PCBP3: variants seen among roughly 807,000 people sequenced by gnomAD.
PCBP3 encodes poly(rC)-binding protein 3.
A neutral mutation model predicts 52.7 loss-of-function variants in PCBP3; 25 were observed. That is an observed-to-expected ratio of 0.47 (90% confidence interval 0.35 to 0.66). The LOEUF (loss-of-function observed/expected upper bound fraction) is 0.66. Among genes scored for constraint, PCBP3 ranks in the 30% least tolerant of loss-of-function variants. PCBP3 has a pLI of 0.01. For synonymous variants in PCBP3, 162 were observed against 183.0 expected (o/e 0.89, Z 0.93); for missense variants, 391 against 490.3 (o/e 0.80, Z 1.91).
intron 4 of PCBP3, among the ~76,000 whole-genome samples, chr21:45,770,385 T>C (rs1398665810): frequency 6.6e-6 from 1 of 152,212 alleles, no homozygotes; most frequent in Non-Finnish European, 1.5e-5. Flanking sequence ...TTCTTTTCCT[T>C]CTTGTCTCTG....
At chr21:45,935,664 G>T (rs929472866) in intron 16 of PCBP3, among the ~76,000 whole-genome samples, 1 of 152,184 alleles carries the variant, frequency 6.6e-6, no homozygotes, top group Non-Finnish European at 1.5e-5. Context: ...CTCTAGAGTG[G>T]ACCCACCTGC....
chr21:45,734,533 T>G (rs1160788314), intron 2 of PCBP3, among the ~76,000 whole-genome samples: 1 of 152,200 alleles, frequency 6.6e-6, no homozygotes, highest in Non-Finnish European at 1.5e-5. Context: ...CTTCCAGAGA[T>G]GTCAGTTGCA....
At chr21:45,859,926 A>G (rs918258153) in intron 5 of PCBP3, 1 of 152,264 alleles carries the variant, frequency 6.6e-6, no homozygotes, top group Non-Finnish European at 1.5e-5. Context: ...GGGCCGCTCC[A>G]CTGTAAAACC....
intron 1 of PCBP3, among the ~76,000 whole-genome samples, chr21:45,660,836 C>T (rs1275706575): frequency 3.9e-5 from 6 of 152,086 alleles, no homozygotes; most frequent in East Asian, 1.9e-4. Flanking sequence ...GTCAGGAGTT[C>T]GAGACCAGCC....
intron 4 of PCBP3, among the ~76,000 whole-genome samples, chr21:45,778,597 C>A (rs2090419752): frequency 1.3e-5 from 2 of 152,142 alleles, no homozygotes; most frequent in African/African-American, 2.4e-5. Flanking sequence ...ACAGGTGGTA[C>A]TTGCAGGTAG....
At chr21:45,698,890 G>A (rs2082944856) in intron 2 of PCBP3, among the ~76,000 whole-genome samples, 1 of 152,166 alleles carries the variant, frequency 6.6e-6, no homozygotes, top group South Asian at 2.1e-4. Context: ...TGTGTTCTTA[G>A]CCAGTCTTGC....
At chr21:45,891,750 C>T (rs934387729) in intron 5 of PCBP3, among the ~76,000 whole-genome samples, 7 of 152,230 alleles carry the variant, frequency 4.6e-5, no homozygotes, top group East Asian at 1.9e-4. Flanking sequence ...ACATTACACA[C>T]GCAAGGTTAA....
intron 1 of PCBP3, among the ~76,000 whole-genome samples, chr21:45,657,807 T>C (rs2080115729): frequency 6.6e-6 from 1 of 152,242 alleles, no homozygotes; most frequent in South Asian, 2.1e-4. Context: ...AATAGTTTTT[T>C]AGTGGATTCC....
chr21:45,741,576 G>A lies in PCBP3; in HGVS notation c.-162+6147G>A, dbSNP rs1313733416. Among the ~76,000 whole-genome samples the A allele has an allele frequency of 6.6e-6, 1 of 152,154 alleles. No individual in the cohort carries two copies. Among genetic ancestry groups the A allele is most frequent in the Non-Finnish European group, 1.5e-5 (1 of 68,030 alleles). ...TAAGAGCTCAGGGAAGGATTGTGAT[G>A]TAGGGGGCAAGGGAGGGGTAGGGCC... On this transcript the variant is annotated intron_variant, in intron 3 of 17. Coordinates refer to ENST00000681687, the MANE Select transcript of PCBP3 (RefSeq NM_001384156.1). The surrounding 1 kb of genome is among the most constrained non-coding windows in gnomAD (Gnocchi z 4.5).
intron 2 of PCBP3, among the ~76,000 whole-genome samples, chr21:45,691,830 A>G (rs973219246): frequency 2.6e-5 from 4 of 152,174 alleles, no homozygotes; most frequent in African/African-American, 4.8e-5. Flanking sequence ...AGGTACTACT[A>G]TAATTGACTG....
intron 2 of PCBP3, among the ~76,000 whole-genome samples, chr21:45,693,026 G>A (rs1450281488): frequency 6.6e-6 from 1 of 151,982 alleles, no homozygotes; most frequent in African/African-American, 2.4e-5. Flanking sequence ...AACAATAAAG[G>A]AGAAAAACCA....
chr21:45,706,300 A>C (rs1041007981), intron 2 of PCBP3, among the ~76,000 whole-genome samples: 1 of 152,170 alleles, frequency 6.6e-6, no homozygotes, highest in Non-Finnish European at 1.5e-5. Flanking sequence ...GCCCAGGCTC[A>C]CAGCATCTAG....
intron 1 of PCBP3, among the ~76,000 whole-genome samples, chr21:45,654,103 C>A (rs138958495): frequency 6.6e-6 from 1 of 151,870 alleles, no homozygotes; most frequent in East Asian, 1.9e-4. Context: ...TTAATATTAA[C>A]GGTATTATAT....
At chr21:45,832,330 C>T (rs995011660) in intron 4 of PCBP3, among the ~76,000 whole-genome samples, 1 of 152,146 alleles carries the variant, frequency 6.6e-6, no homozygotes, top group African/African-American at 2.4e-5. Flanking sequence ...TTTACTGCAA[C>T]CTGTTTTATC....
chr21:45,919,655 A>C (rs559609065), intron 13 of PCBP3, among the ~76,000 whole-genome samples: 1 of 152,316 alleles, frequency 6.6e-6, no homozygotes, highest in Admixed American at 6.5e-5. Context: ...ACCTTTGGTG[A>C]TGCTGCTGTA....
chr21:45,935,392 G>T (rs1314320028), intron 16 of PCBP3, 87 bp downstream of exon 16: 2 of 937,024 alleles, frequency 2.1e-6, no homozygotes, highest in Non-Finnish European at 3.4e-6. Flanking sequence ...TGGGCAGAGG[G>T]ACCCACTGCT....
intron 4 of PCBP3, among the ~76,000 whole-genome samples, chr21:45,808,163 G>A (rs1307236618): frequency 6.6e-6 from 1 of 152,152 alleles, no homozygotes; most frequent in Non-Finnish European, 1.5e-5. Context: ...AAAACCAAAA[G>A]CAATGGCAAC....
chr21:45,725,875 G>C (rs557496293), intron 2 of PCBP3, among the ~76,000 whole-genome samples: 1 of 152,088 alleles, frequency 6.6e-6, no homozygotes, highest in South Asian at 2.1e-4. Flanking sequence ...AGGAAGGGGT[G>C]GGGGGCAGCT....
chr21:45,646,093 C>CTCTCTCTCTCTG (rs1555895757), intron 1 of PCBP3, among the ~76,000 whole-genome samples: 2 of 81,428 alleles, frequency 2.5e-5, no homozygotes, highest in Admixed American at 1.6e-4. Flanking sequence ...TTCTCTCTCT[C>CTCTCTCTCTCTG]TCTCTCTCTC....
Sources: gnomAD v4.1 joint callset for allele counts (sites outside exome capture counted in the v4.1 genomes callset) on GRCh38, gnomAD v4.1.1 for gene constraint, Gnocchi (gnomAD v3.1) non-coding constraint, MANE v1.5 for transcripts, NCBI Gene and HGNC (gene_info 2026-07-23, HGNC 2026-07-21) for gene names.